The following DACH1 variants were observed in gnomAD, a reference collection of about 807,000 sequenced individuals.
The protein encoded by DACH1 is dachshund family transcription factor 1.
In DACH1, 12 loss-of-function variants were observed where a neutral mutation model predicts 54.2. That is an observed-to-expected ratio of 0.22 (90% confidence interval 0.14 to 0.36). The LOEUF is 0.36. Ranked by LOEUF, DACH1 falls within the 10% of genes least tolerant of loss-of-function variation. The pLI is 1.00. For missense variants in DACH1, 805 were observed against 929.8 expected (o/e 0.87, Z 1.75); for synonymous variants, 386 against 366.2 (o/e 1.05, Z -0.62).
intron 6 of DACH1, among the ~76,000 whole-genome samples, chr13:71,524,400 G>T (rs755934932): frequency 3.1e-4 from 47 of 152,114 alleles, no homozygotes; most frequent in Non-Finnish European, 5.6e-4. Flanking sequence ...TAAAAAGAAT[G>T]ATTCAATATA....
At chr13:71,768,892 G>A (rs575957876) in intron 1 of DACH1, among the ~76,000 whole-genome samples, 1 of 151,912 alleles carries the variant, frequency 6.6e-6, no homozygotes, top group East Asian at 1.9e-4. Flanking sequence ...CATTTTCTGA[G>A]TCTTGGAGCT....
chr13:71,687,818 A>C (rs1881261113), intron 1 of DACH1, among the ~76,000 whole-genome samples: 1 of 152,176 alleles, frequency 6.6e-6, no homozygotes, highest in Non-Finnish European at 1.5e-5. Flanking sequence ...CATATTGCCC[A>C]GGCTGGTCTC....
At chr13:71,680,940 C>A (rs1476486986) in intron 2 of DACH1, among the ~76,000 whole-genome samples, 1 of 151,928 alleles carries the variant, frequency 6.6e-6, no homozygotes, top group Non-Finnish European at 1.5e-5. Flanking sequence ...CTCATCTTGC[C>A]TGATTACCTT....
intron 6 of DACH1, among the ~76,000 whole-genome samples, chr13:71,508,467 C>A (rs1880503797): frequency 6.9e-6 from 1 of 145,218 alleles, no homozygotes; most frequent in African/African-American, 2.5e-5. Context: ...GTAAAAATTA[C>A]TTTTTTTTTT....
intron 6 of DACH1, among the ~76,000 whole-genome samples, chr13:71,497,756 G>GGTGAATA (rs138137470): frequency 1.3e-5 from 2 of 151,668 alleles, no homozygotes; most frequent in Non-Finnish European, 2.9e-5. Context: ...GAGTTAGTTT[G>GGTGAATA]GTTAAAATTG....
In DACH1 at chr13:71,474,580, C is replaced by A. The variant is rs117643438; in HGVS notation, c.2083+561G>T. Among the ~76,000 whole-genome samples, 662 of 152,176 alleles carry A rather than the reference C, an allele frequency of 4.4e-3. 3 individuals are homozygous for A. The highest frequency in any genetic ancestry group is 7.5e-3 in the Non-Finnish European group (509 of 67,980). ...CTCTTCTGAGCATTTAATACAACTC[C>A]CTTTGGTATGCTATATATGATTTTA... On this transcript the variant is annotated intron_variant, in intron 10 of 10. Coordinates refer to ENST00000613252, the MANE Select transcript of DACH1 (RefSeq NM_080759.6).
intron 3 of DACH1, among the ~76,000 whole-genome samples, chr13:71,613,970 G>GTA (rs1382620853): frequency 6.6e-6 from 1 of 152,152 alleles, no homozygotes; most frequent in African/African-American, 2.4e-5. Context: ...TTACAGACAT[G>GTA]AGCCACCACG....
chr13:71,742,093 A>G (rs1884412637), intron 1 of DACH1, among the ~76,000 whole-genome samples: 2 of 152,156 alleles, frequency 1.3e-5, no homozygotes, highest in Admixed American at 1.3e-4. Flanking sequence ...AGAATCTGAT[A>G]GGTTTATCAG....
chr13:71,553,042 C>CGTGGT (rs1181853216), intron 6 of DACH1, among the ~76,000 whole-genome samples: 9 of 146,118 alleles, frequency 6.2e-5, no homozygotes. Context: ...ATTAGCCAGG[C>CGTGGT]GTGGTGGTGG....
intron 1 of DACH1, among the ~76,000 whole-genome samples, chr13:71,864,908 C>T (rs1874619588): frequency 6.6e-6 from 1 of 152,094 alleles, no homozygotes; most frequent in Admixed American, 6.5e-5. Flanking sequence ...GCAAAGTGTG[C>T]ACCTGCTCGC....
chr13:71,685,412 G>A (rs1404777997), intron 1 of DACH1, among the ~76,000 whole-genome samples: 3 of 152,180 alleles, frequency 2.0e-5, no homozygotes, highest in Admixed American at 6.5e-5. Context: ...ATGCCTTTGC[G>A]AAGAATGAAA....
At chr13:71,835,167 C>G (rs1356960647) in intron 1 of DACH1, among the ~76,000 whole-genome samples, 1 of 152,118 alleles carries the variant, frequency 6.6e-6, no homozygotes, top group East Asian at 1.9e-4. Context: ...CCAAAGGGAG[C>G]TGTTTGAAAT....
chr13:71,646,549 A>T (rs1421366923), intron 2 of DACH1, among the ~76,000 whole-genome samples: 1 of 152,190 alleles, frequency 6.6e-6, no homozygotes, highest in African/African-American at 2.4e-5. Context: ...TGGACATAAA[A>T]ATGTGAACAC....
intron 3 of DACH1, among the ~76,000 whole-genome samples, chr13:71,601,324 T>C (rs926729824): frequency 7.2e-5 from 11 of 152,130 alleles, no homozygotes; most frequent in Non-Finnish European, 1.5e-4. Flanking sequence ...ATATGAAAAA[T>C]ATACTCTTAT....
At chr13:71,723,082 C>G (rs981954143) in intron 1 of DACH1, among the ~76,000 whole-genome samples, 5 of 152,010 alleles carry the variant, frequency 3.3e-5, no homozygotes, top group African/African-American at 1.2e-4. Flanking sequence ...GTACATTTCT[C>G]TATCCTAAAT....
At chr13:71,551,419 TA>T (rs1200080425) in intron 6 of DACH1, among the ~76,000 whole-genome samples, 1 of 152,182 alleles carries the variant, frequency 6.6e-6, no homozygotes, top group African/African-American at 2.4e-5. Context: ...TTCATCTATC[TA>T]ACTGTGTATT....
Position 71,557,056 on chromosome 13 carries a change from C to A in DACH1, c.1538G>T (p.Gly513Val). ...KEGDLAGHDM[G>V]HESKRMHIEK... ...AATATGCATCCTTTTTGACTCATGT[C>A]CCATGTCATGACCGGCCAAATCTCC... is the stretch of plus-strand genomic sequence containing the variant. The change falls in exon 6 of 11, where the codon GGA becomes GTA. Residue 513 changes from glycine to valine, a missense_variant. This residue lies in a region of DACH1 where 472 missense variants were observed against 545.3 expected (regional missense o/e 0.87). Transcript: ENST00000613252. 2 of 1,609,498 alleles carry A rather than the reference C, an allele frequency of 1.2e-6. No individual in the cohort carries two copies. Among genetic ancestry groups the A allele is most frequent in the Non-Finnish European group, 1.7e-6 (2 of 1,177,930 alleles).
intron 3 of DACH1, among the ~76,000 whole-genome samples, chr13:71,596,963 T>G (rs144256256): frequency 6.6e-6 from 1 of 152,292 alleles, no homozygotes; most frequent in Non-Finnish European, 1.5e-5. Flanking sequence ...CAATATATAT[T>G]GCATGTAAAT....
chr13:71,840,336 T>C (rs955442056), intron 1 of DACH1, among the ~76,000 whole-genome samples: 6 of 152,180 alleles, frequency 3.9e-5, no homozygotes, highest in African/African-American at 1.4e-4. Flanking sequence ...ACAAATTCAA[T>C]CATATCATTC....
Sources: allele counts gnomAD v4.1 joint callset (sites outside exome capture counted in the v4.1 genomes callset), GRCh38; gene constraint gnomAD v4.1.1; regional missense constraint gnomAD v4.1.1; transcripts MANE v1.5; gene names NCBI Gene and HGNC (gene_info 2026-07-23, HGNC 2026-07-21).